DGKI: variants seen among roughly 807,000 people sequenced by gnomAD.
The protein encoded by DGKI is DAG kinase iota.
A neutral mutation model predicts 147.5 loss-of-function variants in DGKI; 55 were observed. The ratio of observed to expected loss-of-function variants is 0.37; its 90% CI spans 0.30 to 0.47. DGKI has a LOEUF of 0.47. DGKI is among the 20% of genes least tolerant of loss of function. The pLI is 1.00. For synonymous variants in DGKI, 469 were observed against 477.1 expected (o/e 0.98, Z 0.22); for missense variants, 1,007 against 1,323.8 (o/e 0.76, Z 3.71).
At chr7:137,773,402 A>G (rs181046117) in intron 1 of DGKI, among the ~76,000 whole-genome samples, 28 of 152,276 alleles carry the variant, frequency 1.8e-4, no homozygotes, top group Non-Finnish European at 1.9e-4. Flanking sequence ...ACTGCCTTAG[A>G]GTGTTGGCCT....
chr7:137,643,134 A>T (rs1459442533), intron 6 of DGKI, among the ~76,000 whole-genome samples: 3 of 151,634 alleles, frequency 2.0e-5, no homozygotes, highest in Non-Finnish European at 4.4e-5. Flanking sequence ...TACTAAAAAT[A>T]CAAAAAATTA....
intron 1 of DGKI, among the ~76,000 whole-genome samples, chr7:137,775,456 T>C (rs2116865976): frequency 6.6e-6 from 1 of 152,344 alleles, no homozygotes; most frequent in South Asian, 2.1e-4. Context: ...CTATGCAACT[T>C]CATGGTGCCA....
intron 1 of DGKI, among the ~76,000 whole-genome samples, chr7:137,702,535 A>C (rs1198020772): frequency 6.6e-6 from 1 of 152,214 alleles, no homozygotes; most frequent in Non-Finnish European, 1.5e-5. Flanking sequence ...ACAATCTGAG[A>C]AGCATTTGGT....
chr7:137,691,084 T>C (rs965690415), intron 1 of DGKI, among the ~76,000 whole-genome samples: 44 of 152,258 alleles, frequency 2.9e-4, no homozygotes, highest in African/African-American at 1.0e-3. Context: ...AGGAGGGTCT[T>C]GTGATGCTGC....
chr7:137,536,061 C>T lies in DGKI; in HGVS notation c.2148-14095G>A, dbSNP rs955179498. On this transcript the variant is annotated intron_variant, in intron 20 of 32. Transcript: ENST00000614521. ...CACTCAGAATTGAACTGTTATTCTT[C>T]ATAATCAAGTTTCTTTTAAAAGTTT... Among the ~76,000 whole-genome samples, 18 of 152,202 alleles carry T rather than the reference C, an allele frequency of 1.2e-4. 1 individual carries two copies. In the South Asian group the frequency reaches 3.7e-3, roughly 32 times the overall value.
chr7:137,440,171 C>T (rs1260344527), intron 28 of DGKI, among the ~76,000 whole-genome samples: 2 of 152,216 alleles, frequency 1.3e-5, no homozygotes, highest in East Asian at 3.9e-4. Context: ...AGAGGAAATG[C>T]AGAGGACAGT....
At chr7:137,812,130 T>A (rs1797609907) in intron 1 of DGKI, among the ~76,000 whole-genome samples, 1 of 152,198 alleles carries the variant, frequency 6.6e-6, no homozygotes, top group South Asian at 2.1e-4. Flanking sequence ...CCCTCGGGCT[T>A]CCTGTTTTGA....
At chr7:137,694,213 T>C (rs191078058) in intron 1 of DGKI, among the ~76,000 whole-genome samples, 50 of 151,454 alleles carry the variant, frequency 3.3e-4, no homozygotes, top group Non-Finnish European at 6.6e-4. Flanking sequence ...CCCAGCTACT[T>C]AGGAGGCTGA....
At chr7:137,816,289 C>G (rs1212387411) in intron 1 of DGKI, among the ~76,000 whole-genome samples, 1 of 152,130 alleles carries the variant, frequency 6.6e-6, no homozygotes, top group African/African-American at 2.4e-5. Context: ...GAACACTGCC[C>G]CTTGCTAGAT....
intron 5 of DGKI, among the ~76,000 whole-genome samples, chr7:137,649,441 T>C (rs1294063417): frequency 6.6e-5 from 10 of 152,200 alleles, no homozygotes; most frequent in South Asian, 2.1e-4. Flanking sequence ...AAAACCTTTT[T>C]ATTGCTCGTC....
intron 1 of DGKI, among the ~76,000 whole-genome samples, chr7:137,801,307 T>A (rs750348810): frequency 1.7e-4 from 26 of 152,180 alleles, no homozygotes; most frequent in Non-Finnish European, 3.4e-4. Flanking sequence ...TCGGCTTTCC[T>A]GAATCTCATT....
chr7:137,773,635 C>T (rs1370252046), intron 1 of DGKI, among the ~76,000 whole-genome samples: 1 of 151,936 alleles, frequency 6.6e-6, no homozygotes, highest in South Asian at 2.1e-4. Context: ...CTATCTACTA[C>T]AAGAAGATCA....
chr7:137,594,350 C>T (rs2128986789), intron 12 of DGKI, among the ~76,000 whole-genome samples: 1 of 152,212 alleles, frequency 6.6e-6, no homozygotes, highest in East Asian at 1.9e-4. Flanking sequence ...CCTGGCCTTT[C>T]ATGTATTTTT....
chr7:137,477,316 C>T (rs1033395755), intron 23 of DGKI, among the ~76,000 whole-genome samples: 1 of 152,176 alleles, frequency 6.6e-6, no homozygotes, highest in Non-Finnish European at 1.5e-5. Context: ...TTGCTGTATG[C>T]ATTATGTAAC....
In DGKI at chr7:137,690,815, G is replaced by A. The variant is rs756002108; in HGVS notation, c.402-813C>T. Among the ~76,000 whole-genome samples the A allele has an allele frequency of 1.8e-4, 27 of 151,982 alleles. 1 individual carries two copies. The highest frequency in any genetic ancestry group is 1.0e-4 in the Non-Finnish European group (7 of 68,006). ...TGCTGAGCAAAGGGAAGGGAAGAAC[G>A]GTTAGAGCATAGTGGTGAGAATAAG... On this transcript the variant is annotated intron_variant, in intron 1 of 32. Transcript: ENST00000614521.
chr7:137,601,238 T>A (rs896261991), intron 10 of DGKI, among the ~76,000 whole-genome samples: 1 of 151,778 alleles, frequency 6.6e-6, no homozygotes, highest in Admixed American at 6.6e-5. Flanking sequence ...GCCACTACAC[T>A]TCGGCCTGGG....
At chr7:137,639,203 A>G (rs1256486805) in intron 6 of DGKI, among the ~76,000 whole-genome samples, 1 of 152,224 alleles carries the variant, frequency 6.6e-6, no homozygotes, top group Non-Finnish European at 1.5e-5. Context: ...GCAAAAACAT[A>G]TGAAATATGC....
At chr7:137,606,843 C>T (rs542723841) in intron 10 of DGKI, among the ~76,000 whole-genome samples, 20 of 152,250 alleles carry the variant, frequency 1.3e-4, no homozygotes, top group African/African-American at 4.1e-4. Flanking sequence ...AATGAATAAT[C>T]GGCATCATGA....
chr7:137,606,244 T>C (rs947881607), intron 10 of DGKI, among the ~76,000 whole-genome samples: 1 of 152,132 alleles, frequency 6.6e-6, no homozygotes, highest in African/African-American at 2.4e-5. Context: ...AAAAGCTATT[T>C]TTCTTGCCAG....
Sources: allele counts gnomAD v4.1 joint callset (sites outside exome capture counted in the v4.1 genomes callset), GRCh38; gene constraint gnomAD v4.1.1; transcripts MANE v1.5; gene names NCBI Gene and HGNC (gene_info 2026-07-23, HGNC 2026-07-21).